Variants in SPTAN1 observed in about 807,000 individuals in gnomAD.
The protein encoded by SPTAN1 is spectrin alpha chain, non-erythrocytic 1.
A neutral mutation model predicts 331.3 loss-of-function variants in SPTAN1; 61 were observed. The ratio of observed to expected loss-of-function variants is 0.18; its 90% CI spans 0.15 to 0.23. SPTAN1 has a LOEUF of 0.23. Ranked by LOEUF, SPTAN1 falls within the 10% of genes least tolerant of loss-of-function variation. The probability of loss-of-function intolerance (pLI) is 1.00; values close to 1 mark genes in which losing one functional copy is unlikely to be tolerated. For synonymous variants in SPTAN1, 1,153 were observed against 1,173.9 expected (o/e 0.98, Z 0.36); for missense variants, 2,043 against 3,147.9 (o/e 0.65, Z 8.40).
chr9:128,603,732 TAA>T (rs748383650), intron 28 of SPTAN1, 142 bp downstream of exon 28: 14 of 1,064,344 alleles, frequency 1.3e-5, no homozygotes, highest in Non-Finnish European at 2.0e-5. Context: ...ATGTCCTAAG[TAA>T]ACATCAGCAC....
At position 128,627,356 on chromosome 9, in the gene SPTAN1, G is replaced by A. The variant is rs41275902; in HGVS notation, c.6577-30G>A. 20 of 1,535,210 alleles carry A rather than the reference G, an allele frequency of 1.3e-5. No homozygotes were observed. Among genetic ancestry groups the A allele is most frequent in the East Asian group, 2.4e-5 (1 of 40,840 alleles). On this transcript the variant is annotated intron_variant, in intron 49 of 56. Transcript: ENST00000372739. This position sits in a 1 kb window ranked among gnomAD's most constrained non-coding sequence, Gnocchi z 4.9. Reference sequence around the variant, plus strand: ...GGGCTGGTGTCACTGCCACAGCAGCGCACAGCATCTGCCCCCCTTTGGCCC... The same window carrying A: ...GGGCTGGTGTCACTGCCACAGCAGCACACAGCATCTGCCCCCCTTTGGCCC...
At chr9:128,631,799 GAC>G (rs1477696168) in intron 52 of SPTAN1, 108 of 345,312 alleles carry the variant, frequency 3.1e-4, no homozygotes, top group Non-Finnish European at 4.6e-4. Flanking sequence ...TAGCCTAGGC[GAC>G]AGTGAGACTC....
intron 1 of SPTAN1, among the ~76,000 whole-genome samples, chr9:128,558,681 GGAAC>G (rs1848939254): frequency 6.6e-6 from 1 of 152,200 alleles, no homozygotes; most frequent in Non-Finnish European, 1.5e-5. Context: ...GGAACAGCCT[GGAAC>G]GTTCTCTGTG....
At chr9:128,567,092 T>C (rs535152254) in intron 2 of SPTAN1, 115 bp downstream of exon 2, 371 of 1,442,336 alleles carry the variant, frequency 2.6e-4, no homozygotes, top group African/African-American at 1.9e-3. Flanking sequence ...ACAAGAAGAA[T>C]ATAATAAGGA....
chr9:128,561,482 T>G (rs182918077), intron 1 of SPTAN1, among the ~76,000 whole-genome samples: 13 of 149,096 alleles, frequency 8.7e-5, no homozygotes, highest in African/African-American at 2.7e-4. Context: ...GCTAATATGG[T>G]GAAACCCCAT....
At chr9:128,593,087 C>A in intron 23 of SPTAN1, 45 bp downstream of exon 23, 1 of 1,570,450 alleles carries the variant, frequency 6.4e-7, no homozygotes, top group Non-Finnish European at 8.7e-7. Flanking sequence ...TCCACTGCTA[C>A]CCTATCCATT....
intron 27 of SPTAN1, among the ~76,000 whole-genome samples, chr9:128,600,944 T>A (rs1855042330): frequency 7.5e-6 from 1 of 134,104 alleles, no homozygotes; most frequent in Non-Finnish European, 1.6e-5. Flanking sequence ...ATTACAGGCC[T>A]GAGTCACAGC....
chr9:128,569,074 G>T (rs1012059571), intron 3 of SPTAN1, among the ~76,000 whole-genome samples, 177 bp downstream of exon 3: 9 of 152,210 alleles, frequency 5.9e-5, no homozygotes, highest in African/African-American at 2.2e-4. Context: ...CAGCATGAAT[G>T]CAAGCGTTTG....
intron 1 of SPTAN1, among the ~76,000 whole-genome samples, chr9:128,556,299 CACA>C (rs914022676): frequency 5.5e-5 from 8 of 144,456 alleles, no homozygotes; most frequent in African/African-American, 1.8e-4. Flanking sequence ...GGACCTTTTT[CACA>C]AAAAAAAAAT....
intron 11 of SPTAN1, 62 bp downstream of exon 11, chr9:128,581,121 G>A (rs560004787): frequency 1.1e-4 from 178 of 1,607,414 alleles, no homozygotes; most frequent in Middle Eastern, 6.7e-4. Context: ...TTGCCTCCTC[G>A]GGTAGTGTGC....
At position 128,577,671 on chromosome 9, in the gene SPTAN1, T is replaced by C. The variant is rs148101726; in HGVS notation, c.1085+165T>C. On this transcript the variant is annotated intron_variant, in intron 8 of 56. Transcript: ENST00000372739. This position sits in a 1 kb window ranked among gnomAD's most constrained non-coding sequence, Gnocchi z 4.2. ...TTCTCTCTGTTTGGAGACTGGCAAC[T>C]GTATCATGTGTAGTATACGTATGGT... 6.6e-6 allele frequency among the ~76,000 whole-genome samples: 1 copy of C among 152,362 alleles called. No individual in the cohort carries two copies. Among genetic ancestry groups the C allele is most frequent in the African/African-American group, 2.4e-5 (1 of 41,588 alleles).
intron 45 of SPTAN1, among the ~76,000 whole-genome samples, chr9:128,623,054 T>G (rs934413211): frequency 1.3e-5 from 2 of 151,622 alleles, no homozygotes; most frequent in African/African-American, 4.8e-5. Flanking sequence ...CCCAGCCAAT[T>G]TTTTTATTTT....
intron 51 of SPTAN1, 102 bp from the exon 52 acceptor site, chr9:128,630,219 A>C: frequency 1.6e-6 from 2 of 1,277,040 alleles, no homozygotes; most frequent in Non-Finnish European, 2.3e-6. Flanking sequence ...CCTTAAAAGG[A>C]ATGTGAGGTT....
rs778129817 is a variant in SPTAN1, at chr9:128,632,856, C to T, written c.7209C>T (p.Arg2403=). 1.3e-5 allele frequency: 21 copies of T among 1,613,966 alleles called. No individual in the cohort carries two copies. In the Admixed American group the frequency reaches 1.7e-4, roughly 13 times the overall value. The stretch of plus-strand genomic sequence containing the variant: ...AATACATGGCTTTCATGATCAGCCG[C>T]GAAACTGAGAACGTCAAGTCCAGCG... The part of the protein sequence containing the change: ...LQEYMAFMIS[R]ETENVKSSEE... The change falls in exon 56 of 57, where the codon CGC becomes CGT. Residue 2403 remains arginine (R), a synonymous_variant. Transcript: ENST00000372739.
intron 1 of SPTAN1, among the ~76,000 whole-genome samples, chr9:128,559,558 T>C (rs1260771951): frequency 5.3e-5 from 8 of 152,184 alleles, no homozygotes; most frequent in Admixed American, 5.2e-4. Context: ...CATGTGTAAC[T>C]ATGCCTTCCT....
At position 128,623,202 on chromosome 9, in the gene SPTAN1, G is replaced by A. The variant is rs970999507; in HGVS notation, c.5833-1126G>A. 2.0e-5 allele frequency among the ~76,000 whole-genome samples: 3 copies of A among 151,042 alleles called. No individual in the cohort carries two copies. In the East Asian group the frequency reaches 5.9e-4, roughly 30 times the overall value. On this transcript the variant is annotated intron_variant, in intron 45 of 56. Coordinates refer to ENST00000372739, the MANE Select transcript of SPTAN1 (RefSeq NM_001130438.3). The stretch of plus-strand genomic sequence containing the variant: ...TCCCTAGCTAGCTGGGACCACAGGT[G>A]GGTGTCAACACACCTGGCTAATTTC...
chr9:128,583,709 A>G, intron 15 of SPTAN1, 79 bp from the exon 16 acceptor site: 1 of 1,473,460 alleles, frequency 6.8e-7, no homozygotes, highest in Non-Finnish European at 9.5e-7. Context: ...GTCCTTCACT[A>G]AGATACTACT....
chr9:128,630,805 A>G (rs1397616589), intron 52 of SPTAN1, among the ~76,000 whole-genome samples: 5 of 152,158 alleles, frequency 3.3e-5, no homozygotes, highest in Non-Finnish European at 2.9e-5. Flanking sequence ...CCTGGGTTCA[A>G]GTGATCCTCC....
At chr9:128,568,353 A>C (rs1011243246) in intron 2 of SPTAN1, among the ~76,000 whole-genome samples, 2 of 152,200 alleles carry the variant, frequency 1.3e-5, no homozygotes, top group Non-Finnish European at 2.9e-5. Flanking sequence ...AGAAAGTCTC[A>C]TGTGTGAGTG....
Sources: gnomAD v4.1 joint callset for allele counts (sites outside exome capture counted in the v4.1 genomes callset) on GRCh38, gnomAD v4.1.1 for gene constraint, Gnocchi (gnomAD v3.1) non-coding constraint, MANE v1.5 for transcripts, NCBI Gene and HGNC (gene_info 2026-07-23, HGNC 2026-07-21) for gene names.